Variants in GNAO1 observed in about 807,000 individuals in gnomAD.
GNAO1 encodes the protein G protein subunit alpha o1, also known as guanine nucleotide-binding protein G(o) subunit alpha.
For missense variants in GNAO1, 166 were observed against 478.7 expected (o/e 0.35, Z 6.10); for synonymous variants, 164 against 180.7 (o/e 0.91, Z 0.74).
intron 3 of GNAO1, among the ~76,000 whole-genome samples, chr16:56,298,762 A>T (rs1460958185): frequency 6.6e-6 from 1 of 152,052 alleles, no homozygotes; most frequent in African/African-American, 2.4e-5. Flanking sequence ...AAATACAAAA[A>T]AAATTAACTG....
intron 2 of GNAO1, among the ~76,000 whole-genome samples, chr16:56,212,926 A>G (rs887433600): frequency 5.9e-5 from 9 of 152,236 alleles, no homozygotes; most frequent in Non-Finnish European, 1.0e-4. Context: ...GACTCCCTAG[A>G]GCACAGGGGA....
intron 2 of GNAO1, among the ~76,000 whole-genome samples, chr16:56,205,422 G>T (rs1444244299): frequency 1.3e-5 from 2 of 152,342 alleles, no homozygotes; most frequent in South Asian, 2.1e-4. Context: ...GCACCAGTGG[G>T]CAAGGGCAGG....
intron 2 of GNAO1, among the ~76,000 whole-genome samples, chr16:56,243,450 A>G (rs532076194): frequency 3.3e-5 from 5 of 152,338 alleles, no homozygotes; most frequent in African/African-American, 1.2e-4. Context: ...CCCAAAATAT[A>G]TAAAGAACTC....
At chr16:56,287,063 T>G (rs1351549838) in intron 3 of GNAO1, among the ~76,000 whole-genome samples, 4 of 152,250 alleles carry the variant, frequency 2.6e-5, no homozygotes, top group Non-Finnish European at 4.4e-5. Flanking sequence ...GCACTGCTGC[T>G]CCCATGGCAG....
At chr16:56,277,843 G>A (rs1185362696) in intron 3 of GNAO1, among the ~76,000 whole-genome samples, 8 of 116,260 alleles carry the variant, frequency 6.9e-5, no homozygotes, top group East Asian at 2.9e-4. Flanking sequence ...ACACACACAC[G>A]GTGTGTGAGA....
chr16:56,344,081 A>T, intron 6 of GNAO1: 1 of 1,472,434 alleles, frequency 6.8e-7, no homozygotes, highest in Non-Finnish European at 9.0e-7. Flanking sequence ...GCACCAAGGG[A>T]GGGAGGAGGG....
Position 56,347,521 on chromosome 16 carries a change from A to G in GNAO1, c.724-3863A>G, listed in dbSNP as rs1567494613. 7 of 984,556 alleles carry G rather than the reference A, an allele frequency of 7.1e-6. No individual in the cohort carries two copies. In the Admixed American group the frequency reaches 3.7e-4, roughly 52 times the overall value. 61.0% of individuals were successfully genotyped at this position (984,556 alleles called of 1,614,324 possible). ...GAGCTGGGGCCTCCAGACAGACCCC[A>G]CTGCAGCCAGATGAAGGCCCCTGTC... On this transcript the variant is annotated intron_variant, in intron 6 of 8. Coordinates refer to ENST00000262493, the MANE Select transcript of GNAO1 (RefSeq NM_020988.3).
intron 6 of GNAO1, among the ~76,000 whole-genome samples, chr16:56,348,894 C>T (rs2037897333): frequency 6.6e-6 from 1 of 152,194 alleles, no homozygotes; most frequent in Admixed American, 6.5e-5. Flanking sequence ...CTCTGCTCCC[C>T]AAGTCCTCCC....
chr16:56,221,884 C>T (rs931248485), intron 2 of GNAO1, among the ~76,000 whole-genome samples: 1 of 151,986 alleles, frequency 6.6e-6, no homozygotes, highest in Admixed American at 6.6e-5. Context: ...GAGGGGAAAC[C>T]AAGGCAGGAG....
chr16:56,191,978 C>G lies in GNAO1; in HGVS notation c.-258C>G, dbSNP rs1477279570. The G allele has an allele frequency of 1.9e-6, 1 of 532,310 alleles. No individual in the cohort carries two copies. The highest frequency in any genetic ancestry group is 3.3e-6 in the Non-Finnish European group (1 of 301,300). 33.0% of individuals were successfully genotyped at this position (532,310 alleles called of 1,614,324 possible). On this transcript the variant is annotated 5_prime_UTR_variant, in exon 1 of 9. Coordinates refer to ENST00000262493, the MANE Select transcript of GNAO1 (RefSeq NM_020988.3). This position sits in a 1 kb window ranked among gnomAD's most constrained non-coding sequence, Gnocchi z 4.7. Reference sequence around the variant, plus strand: ...GGCGCCTCCTCCCTTGGCTCCGGAGCCCCAGACCCCGGCCACCCTCGATTC... The same window carrying G: ...GGCGCCTCCTCCCTTGGCTCCGGAGGCCCAGACCCCGGCCACCCTCGATTC...
chr16:56,230,275 C>T (rs1023937548), intron 2 of GNAO1, among the ~76,000 whole-genome samples: 3 of 152,130 alleles, frequency 2.0e-5, no homozygotes, highest in African/African-American at 7.2e-5. Flanking sequence ...CTTCCATGCC[C>T]CTCAGTGGGA....
intron 2 of GNAO1, among the ~76,000 whole-genome samples, chr16:56,214,068 A>T (rs1322257751): frequency 6.6e-6 from 1 of 152,178 alleles, no homozygotes; most frequent in African/African-American, 2.4e-5. Flanking sequence ...GATCCCTTCC[A>T]TGAATGAAGG....
intron 3 of GNAO1, among the ~76,000 whole-genome samples, chr16:56,315,527 C>G (rs2037499373): frequency 1.3e-5 from 2 of 152,098 alleles, no homozygotes; most frequent in Non-Finnish European, 2.9e-5. Flanking sequence ...CCAGAGAGCC[C>G]CCATCCAGGA....
At chr16:56,268,754 A>G (rs1280380334) in intron 2 of GNAO1, among the ~76,000 whole-genome samples, 1 of 151,826 alleles carries the variant, frequency 6.6e-6, no homozygotes, top group Non-Finnish European at 1.5e-5. Flanking sequence ...TCCTGCCCCC[A>G]CCCACAAACA....
At chr16:56,333,421 A>C (rs1419183728) in intron 4 of GNAO1, among the ~76,000 whole-genome samples, 1 of 152,174 alleles carries the variant, frequency 6.6e-6, no homozygotes, top group Non-Finnish European at 1.5e-5. Context: ...CATGTTGGCC[A>C]GGATGGTCTC....
chr16:56,330,388 C>G (rs1425119263), intron 4 of GNAO1, among the ~76,000 whole-genome samples: 1 of 152,212 alleles, frequency 6.6e-6, no homozygotes, highest in Admixed American at 6.5e-5. Flanking sequence ...TTAGGGCCAG[C>G]TGGCCCAAAT....
intron 5 of GNAO1, 61 bp downstream of exon 5, chr16:56,334,918 T>C: frequency 6.3e-7 from 1 of 1,576,914 alleles, no homozygotes; most frequent in Non-Finnish European, 8.7e-7. Context: ...GCCCAGCCTC[T>C]CAGCGCATTG....
chr16:56,217,161 C>T (rs948526899), intron 2 of GNAO1, among the ~76,000 whole-genome samples: 8 of 152,210 alleles, frequency 5.3e-5, no homozygotes, highest in South Asian at 2.1e-4. Context: ...TTTTTTCATG[C>T]TGAAACCATT....
chr16:56,300,036 T>TGTGTGTGTGTGTGTGTGTGCGC (rs753591618), intron 3 of GNAO1, among the ~76,000 whole-genome samples: 24 of 95,168 alleles, frequency 2.5e-4, no homozygotes, highest in African/African-American at 1.1e-3. Flanking sequence ...TGTGTGTGTG[T>TGTGTGTGTGTGTGTGTGTGCGC]GCGCGCGCGC....
Sources: allele counts gnomAD v4.1 joint callset (sites outside exome capture counted in the v4.1 genomes callset), GRCh38; gene constraint gnomAD v4.1.1; non-coding constraint Gnocchi (gnomAD v3.1); transcripts MANE v1.5; gene names NCBI Gene and HGNC (gene_info 2026-07-23, HGNC 2026-07-21).